Variants in RNF130 observed in about 807,000 individuals in gnomAD.
RNF130 encodes the protein ring finger protein 130, also known as E3 ubiquitin-protein ligase RNF130.
In RNF130, 21 loss-of-function variants were observed where a neutral mutation model predicts 44.6. That is an observed-to-expected ratio of 0.47 (90% CI 0.33 to 0.68). RNF130 has a LOEUF of 0.68. Ranked by LOEUF, RNF130 falls within the 30% of genes least tolerant of loss-of-function variation. The pLI, the probability that RNF130 is intolerant of heterozygous loss-of-function variation, is 0.02. For synonymous variants in RNF130, 214 were observed against 210.4 expected, an observed-to-expected ratio of 1.02 and a Z score of -0.15; for missense variants, 479 against 560.6, an observed-to-expected ratio of 0.85 and a Z score of 1.47.
At chr5:180,005,441 A>C (rs1763444747) in intron 3 of RNF130, among the ~76,000 whole-genome samples, 1 of 151,938 alleles carries the variant, frequency 6.6e-6, no homozygotes, top group Non-Finnish European at 1.5e-5. Flanking sequence ...AAAAACAACA[A>C]CAACAACACC....
intron 7 of RNF130, among the ~76,000 whole-genome samples, chr5:179,923,266 A>G (rs1273518090): frequency 6.6e-6 from 1 of 151,960 alleles, no homozygotes; most frequent in Non-Finnish European, 1.5e-5. Context: ...ATGGATATCC[A>G]ATTGTTCCGT....
chr5:179,968,052 T>G lies in RNF130; in HGVS notation c.946-1042A>C, dbSNP rs569171515. 3.0e-3 allele frequency among the ~76,000 whole-genome samples: 445 copies of G among 147,388 alleles called. 3 individuals are homozygous for G. Among genetic ancestry groups the G allele is most frequent in the African/African-American group, 0.01 (414 of 39,914 alleles). ...GGCTCACGCCTGTAATCCCAGCACT[T>G]TGGGAGGCCGAGGCGGGCAGATCAC... On this transcript the variant is annotated intron_variant, in intron 6 of 8. Transcript: ENST00000521389.
chr5:179,995,201 C>CCTCT (rs146348005), intron 3 of RNF130, among the ~76,000 whole-genome samples: 1 of 151,602 alleles, frequency 6.6e-6, no homozygotes, highest in African/African-American at 2.4e-5. Context: ...ATGGGACCTG[C>CCTCT]CTCTCTCTCT....
chr5:180,066,083 C>T (rs537828495), intron 1 of RNF130, among the ~76,000 whole-genome samples: 8 of 152,282 alleles, frequency 5.3e-5, no homozygotes, highest in South Asian at 4.1e-4. Context: ...CACATACACA[C>T]GCCCTCTGAT....
chr5:179,958,077 C>T (rs2113695123), intron 8 of RNF130, among the ~76,000 whole-genome samples: 1 of 152,128 alleles, frequency 6.6e-6, no homozygotes, highest in Non-Finnish European at 1.5e-5. Flanking sequence ...CGGGGTTTCA[C>T]TGTTTTAGCC....
intron 3 of RNF130, among the ~76,000 whole-genome samples, chr5:180,002,342 G>A (rs1164121100): frequency 6.6e-6 from 1 of 152,238 alleles, no homozygotes; most frequent in East Asian, 1.9e-4. Flanking sequence ...TCCCAGCTCA[G>A]CCTGGAGATG....
At chr5:179,955,867 T>G (rs1762200991) in intron 8 of RNF130, among the ~76,000 whole-genome samples, 198 bp from the exon 9 acceptor site, 1 of 152,212 alleles carries the variant, frequency 6.6e-6, no homozygotes, top group Admixed American at 6.5e-5. Flanking sequence ...TCATCCATCT[T>G]AGAGGTGCTT....
chr5:180,046,989 A>C (rs1027041366), intron 1 of RNF130, among the ~76,000 whole-genome samples: 5 of 129,752 alleles, frequency 3.9e-5, no homozygotes, highest in Non-Finnish European at 8.6e-5. Context: ...GGCATTAAAA[A>C]AAAGTTTGTG....
At chr5:180,046,264 G>C (rs893372480) in intron 1 of RNF130, among the ~76,000 whole-genome samples, 2 of 152,030 alleles carry the variant, frequency 1.3e-5, no homozygotes, top group African/African-American at 4.8e-5. Flanking sequence ...GGCCAGCCTC[G>C]GCCAGCCCAG....
intron 7 of RNF130, among the ~76,000 whole-genome samples, chr5:179,936,276 A>AT (rs893328969): frequency 6.6e-6 from 1 of 152,134 alleles, no homozygotes; most frequent in Admixed American, 6.6e-5. Context: ...ATTAAAAAAA[A>AT]TTTTTTGTAG....
At chr5:179,999,540 G>A (rs974735926) in intron 3 of RNF130, among the ~76,000 whole-genome samples, 50 of 151,868 alleles carry the variant, frequency 3.3e-4, no homozygotes, top group African/African-American at 8.9e-4. Context: ...TGGCCAACAC[G>A]GTGAAACCCT....
intron 1 of RNF130, among the ~76,000 whole-genome samples, chr5:180,063,182 G>C (rs1765025797): frequency 6.6e-6 from 1 of 152,126 alleles, no homozygotes; most frequent in Admixed American, 6.5e-5. Flanking sequence ...AGATTATTTT[G>C]GCTACTATAG....
chr5:180,016,555 TACTA>T (rs569610542), intron 2 of RNF130, among the ~76,000 whole-genome samples: 9 of 152,326 alleles, frequency 5.9e-5, no homozygotes, highest in East Asian at 1.9e-4. Flanking sequence ...TGGCCGCCAG[TACTA>T]ACTGTCAGAG....
chr5:180,036,789 T>C (rs1198745004), intron 2 of RNF130, among the ~76,000 whole-genome samples: 1 of 152,198 alleles, frequency 6.6e-6, no homozygotes, highest in Non-Finnish European at 1.5e-5. Flanking sequence ...TTTGAAATAC[T>C]TCAAATAAGC....
chr5:179,925,925 C>A lies in RNF130; in HGVS notation c.1151-5499G>T, dbSNP rs1761701765. Among the ~76,000 whole-genome samples, 3 of 152,276 alleles carry A rather than the reference C, an allele frequency of 2.0e-5. No homozygotes were observed. In the South Asian group the frequency reaches 6.2e-4, roughly 32 times the overall value. On this transcript the variant is annotated intron_variant, in intron 7 of 7. Transcript: ENST00000522208. ...GCCTCAAAGGAGGCTGCATGAGGCACAGTAGACATACATTTTCCAACAGGG... is the reference window on the plus strand; with the variant it reads ...GCCTCAAAGGAGGCTGCATGAGGCAAAGTAGACATACATTTTCCAACAGGG...
chr5:180,045,211 T>A (rs918086916), intron 1 of RNF130, among the ~76,000 whole-genome samples: 1 of 152,188 alleles, frequency 6.6e-6, no homozygotes, highest in African/African-American at 2.4e-5. Flanking sequence ...GTAAGAATAG[T>A]ATGTAAATAT....
At chr5:179,933,708 A>C in intron 7 of RNF130, 2 of 326,246 alleles carry the variant, frequency 6.1e-6, no homozygotes, top group South Asian at 5.8e-5. Context: ...CTTTTTGTAG[A>C]GATGGAATTT....
rs745665354 is a variant in RNF130 at position 179,995,474 on chromosome 5, CT to C, written c.694-15275del. On this transcript the variant is annotated intron_variant, in intron 3 of 8. Coordinates refer to ENST00000521389, the MANE Select transcript of RNF130 (RefSeq NM_018434.6). ...CCAGTGTTCCAATCCTGGCATGAGA[CT>C]TTATAATGCTAACAGATGCTGCTTC... 3.3e-5 allele frequency among the ~76,000 whole-genome samples: 5 copies of C among 152,318 alleles called. No individual in the cohort carries two copies. The South Asian group carries it at 1.0e-3, about 32-fold the overall frequency.
intron 7 of RNF130, among the ~76,000 whole-genome samples, chr5:179,944,530 C>A (rs989682007): frequency 6.6e-6 from 1 of 152,190 alleles, no homozygotes; most frequent in Admixed American, 6.5e-5. Flanking sequence ...GTGCCACAAT[C>A]TTGGCTCACT....
Sources: gnomAD v4.1 joint callset for allele counts (sites outside exome capture counted in the v4.1 genomes callset) on GRCh38, gnomAD v4.1.1 for gene constraint, MANE v1.5 for transcripts, NCBI Gene and HGNC (gene_info 2026-07-23, HGNC 2026-07-21) for gene names.